The following KCNB2 variants were observed in gnomAD, a reference collection of about 807,000 sequenced individuals.
KCNB2 encodes potassium voltage-gated channel subfamily B member 2.
Under a neutral mutation model 61.5 loss-of-function variants are expected in KCNB2, and 15 were observed. The observed-to-expected ratio is 0.24, with a 90% CI of 0.16 to 0.38. KCNB2 has a LOEUF of 0.38. Ranked by LOEUF, KCNB2 falls within the 10% of genes least tolerant of loss-of-function variation. The pLI, the probability that KCNB2 is intolerant of heterozygous loss-of-function variation, is 1.00. For missense variants in KCNB2, 828 were observed against 1,125.2 expected (o/e 0.74, Z 3.78); for synonymous variants, 457 against 446.0 (o/e 1.02, Z -0.31).
intron 2 of KCNB2, among the ~76,000 whole-genome samples, chr8:72,928,242 G>T (rs1276691032): frequency 6.7e-6 from 1 of 149,800 alleles, no homozygotes; most frequent in Non-Finnish European, 1.5e-5. Flanking sequence ...ACCCAGGCTG[G>T]AGTATGGTGA....
chr8:72,589,361 GA>G (rs773334055), intron 2 of KCNB2, among the ~76,000 whole-genome samples: 137 of 150,984 alleles, frequency 9.1e-4, no homozygotes, highest in African/African-American at 2.3e-3. Flanking sequence ...AAGAAAAAAA[GA>G]AAAAAAAAGA....
At chr8:72,612,038 A>C (rs1418977217) in intron 2 of KCNB2, among the ~76,000 whole-genome samples, 1 of 152,202 alleles carries the variant, frequency 6.6e-6, no homozygotes, top group African/African-American at 2.4e-5. Flanking sequence ...CAAGTGAAAT[A>C]GTATATAGAA....
At chr8:72,708,861 A>G (rs1389397088) in intron 2 of KCNB2, among the ~76,000 whole-genome samples, 3 of 152,212 alleles carry the variant, frequency 2.0e-5, no homozygotes, top group Non-Finnish European at 2.9e-5. Context: ...AATCTGGCAT[A>G]AGGTTATTCT....
At chr8:72,854,305 A>C (rs947964680) in intron 2 of KCNB2, among the ~76,000 whole-genome samples, 1 of 152,162 alleles carries the variant, frequency 6.6e-6, no homozygotes, top group African/African-American at 2.4e-5. Context: ...ATCTGAGATA[A>C]TACACAGGTA....
chr8:72,828,696 T>C (rs898577968), intron 2 of KCNB2, among the ~76,000 whole-genome samples: 3 of 152,226 alleles, frequency 2.0e-5, no homozygotes, highest in African/African-American at 4.8e-5. Flanking sequence ...AGATCATTCA[T>C]TTTCCAAGCC....
At chr8:72,649,836 A>C (rs1396666666) in intron 2 of KCNB2, among the ~76,000 whole-genome samples, 1 of 152,150 alleles carries the variant, frequency 6.6e-6, no homozygotes, top group Non-Finnish European at 1.5e-5. Flanking sequence ...TTAATAATAG[A>C]ACCACCTGGA....
intron 2 of KCNB2, among the ~76,000 whole-genome samples, chr8:72,882,556 A>AGAGAGAGAGAGAGAGAGAGAGAGAGAGAG (rs10691208): frequency 1.8e-4 from 26 of 142,732 alleles, no homozygotes; most frequent in Non-Finnish European, 2.3e-4. Flanking sequence ...AGAGAGAGAG[A>AGAGAGAGAGAGAGAGAGAGAGAGAGAGAG]ATGTGTGTCT....
chr8:72,906,418 A>G (rs904006968), intron 2 of KCNB2, among the ~76,000 whole-genome samples: 4 of 152,210 alleles, frequency 2.6e-5, no homozygotes, highest in African/African-American at 9.6e-5. Context: ...CTCACATTAA[A>G]CAAGAGAATT....
intron 2 of KCNB2, among the ~76,000 whole-genome samples, chr8:72,895,294 A>T (rs1207753629): frequency 6.6e-6 from 1 of 152,198 alleles, no homozygotes; most frequent in African/African-American, 2.4e-5. Flanking sequence ...GGTAATCACA[A>T]GGGTGCTTGA....
At chr8:72,684,832 T>A (rs1806824268) in intron 2 of KCNB2, among the ~76,000 whole-genome samples, 1 of 152,214 alleles carries the variant, frequency 6.6e-6, no homozygotes, top group African/African-American at 2.4e-5. Context: ...ACCTCTCCCC[T>A]GAGATATTCA....
intron 2 of KCNB2, among the ~76,000 whole-genome samples, chr8:72,873,403 C>T (rs1229813959): frequency 6.6e-6 from 1 of 152,236 alleles, no homozygotes; most frequent in African/African-American, 2.4e-5. Context: ...AGACACAAGC[C>T]ATGTGGCCTT....
chr8:72,680,271 T>A (rs1421825309), intron 2 of KCNB2, among the ~76,000 whole-genome samples: 1 of 151,674 alleles, frequency 6.6e-6, no homozygotes, highest in Non-Finnish European at 1.5e-5. Context: ...AGCAGATGGG[T>A]TAGGGGGATG....
chr8:72,627,350 C>T (rs1805806007), intron 2 of KCNB2, among the ~76,000 whole-genome samples: 1 of 152,096 alleles, frequency 6.6e-6, no homozygotes, highest in Admixed American at 6.5e-5. Flanking sequence ...TTCTGGAGGT[C>T]TCAAATTTGA....
At chr8:72,859,706 CGTTTTTTT>C (rs1311933165) in intron 2 of KCNB2, among the ~76,000 whole-genome samples, 10 of 73,442 alleles carry the variant, frequency 1.4e-4, no homozygotes, top group Non-Finnish European at 2.2e-4. Context: ...TACTTCATTT[CGTTTTTTT>C]TTTTTTTTTT....
chr8:72,538,011 T>C (rs1410626411), intron 1 of KCNB2, 126 bp downstream of exon 1: 1 of 152,106 alleles, frequency 6.6e-6, no homozygotes, highest in African/African-American at 2.4e-5. Flanking sequence ...CCAGTGGACT[T>C]ACACACAAAG....
chr8:72,804,548 A>G (rs1488881175), intron 2 of KCNB2, among the ~76,000 whole-genome samples: 7 of 152,224 alleles, frequency 4.6e-5, no homozygotes, highest in African/African-American at 1.7e-4. Context: ...AAGGTTTTCC[A>G]AATCAAAAGT....
chr8:72,805,249 G>A (rs1457585753), intron 2 of KCNB2, among the ~76,000 whole-genome samples: 1 of 152,146 alleles, frequency 6.6e-6, no homozygotes, highest in Non-Finnish European at 1.5e-5. Context: ...ATAAACTTCA[G>A]CAAGATCAAA....
intron 2 of KCNB2, among the ~76,000 whole-genome samples, chr8:72,727,113 T>C (rs1311293728): frequency 6.6e-6 from 1 of 152,158 alleles, no homozygotes; most frequent in African/African-American, 2.4e-5. Context: ...CTTTAACAAG[T>C]AGAAGCAGAA....
chr8:72,545,450 A>G (rs1301525215), intron 1 of KCNB2, among the ~76,000 whole-genome samples: 1 of 152,042 alleles, frequency 6.6e-6, no homozygotes, highest in East Asian at 1.9e-4. Flanking sequence ...TGTTATTGTT[A>G]TATAGGTTAT....
Sources: gnomAD v4.1 joint callset for allele counts (sites outside exome capture counted in the v4.1 genomes callset) on GRCh38, gnomAD v4.1.1 for gene constraint, MANE v1.5 for transcripts, NCBI Gene and HGNC (gene_info 2026-07-23, HGNC 2026-07-21) for gene names.